CLSTN2: variants seen among roughly 807,000 people sequenced by gnomAD.
CLSTN2 encodes the protein calsyntenin 2, also known as calsyntenin-2.
Under a neutral mutation model 101.2 loss-of-function variants are expected in CLSTN2, and 48 were observed. The observed-to-expected ratio is 0.47, with a 90% CI of 0.38 to 0.60. The LOEUF is 0.60. Among genes scored for constraint, CLSTN2 ranks in the 20% least tolerant of loss-of-function variants. CLSTN2 has a pLI of 0.00. For missense variants in CLSTN2, 1,160 were observed against 1,238.2 expected, an observed-to-expected ratio of 0.94 and a Z score of 0.95; for synonymous variants, 481 against 463.6, an observed-to-expected ratio of 1.04 and a Z score of -0.48.
At position 140,550,374 on chromosome 3, in the gene CLSTN2, G is replaced by C. The variant is rs867506392; in HGVS notation, c.1674+3693G>C. On this transcript the variant is annotated intron_variant, in intron 10 of 16. Coordinates refer to ENST00000458420, the MANE Select transcript of CLSTN2 (RefSeq NM_022131.3). Reference sequence around the variant, plus strand: ...TGACTTTCCAAAACAATGTTTCATGGATTAGATACACACACAGAGTTGCTC... The same window carrying C: ...TGACTTTCCAAAACAATGTTTCATGCATTAGATACACACACAGAGTTGCTC... 5.3e-3 allele frequency among the ~76,000 whole-genome samples: 806 copies of C among 151,024 alleles called. 1 individual carries two copies. Among genetic ancestry groups the C allele is most frequent in the African/African-American group, 0.019 (771 of 40,628 alleles).
intron 1 of CLSTN2, among the ~76,000 whole-genome samples, chr3:140,139,299 A>G (rs2009661074): frequency 6.6e-6 from 1 of 152,178 alleles, no homozygotes; most frequent in Admixed American, 6.5e-5. Context: ...ACAAAATTGA[A>G]ATCATAATAT....
chr3:140,201,518 G>A (rs1343476667), intron 2 of CLSTN2, among the ~76,000 whole-genome samples: 3 of 152,102 alleles, frequency 2.0e-5, no homozygotes, highest in South Asian at 2.1e-4. Context: ...TGGCATGATT[G>A]GAATAGAGGC....
intron 2 of CLSTN2, among the ~76,000 whole-genome samples, chr3:140,232,965 C>A (rs1419498636): frequency 2.6e-5 from 4 of 152,094 alleles, no homozygotes; most frequent in African/African-American, 9.7e-5. Context: ...TCACTTCATC[C>A]ATTTTCCATG....
intron 2 of CLSTN2, among the ~76,000 whole-genome samples, chr3:140,231,609 G>T (rs189961183): frequency 6.6e-6 from 1 of 152,232 alleles, no homozygotes; most frequent in Non-Finnish European, 1.5e-5. Flanking sequence ...CTCTCAACTG[G>T]TTCCTAGTTC....
intron 1 of CLSTN2, among the ~76,000 whole-genome samples, chr3:140,004,530 CCTT>C (rs773935618): frequency 5.9e-5 from 9 of 152,194 alleles, no homozygotes; most frequent in Non-Finnish European, 1.2e-4. Flanking sequence ...TTTAAGCAGT[CCTT>C]CTTTAGAGAG....
At chr3:140,361,990 A>G (rs1323767964) in intron 2 of CLSTN2, among the ~76,000 whole-genome samples, 2 of 152,180 alleles carry the variant, frequency 1.3e-5, no homozygotes, top group African/African-American at 4.8e-5. Flanking sequence ...TTGGAAATGC[A>G]AAGGATCCAG....
chr3:140,349,029 T>A (rs769509340), intron 2 of CLSTN2, among the ~76,000 whole-genome samples: 16 of 152,160 alleles, frequency 1.1e-4, no homozygotes, highest in Non-Finnish European at 2.1e-4. Flanking sequence ...GCAAGAAAAA[T>A]CTCATGGGAG....
intron 2 of CLSTN2, among the ~76,000 whole-genome samples, chr3:140,370,334 G>A (rs372808841): frequency 6.6e-6 from 1 of 152,212 alleles, no homozygotes; most frequent in South Asian, 2.1e-4. Flanking sequence ...TCATGGGATT[G>A]AAGTACAGTC....
intron 5 of CLSTN2, among the ~76,000 whole-genome samples, chr3:140,429,326 G>T (rs939466698): frequency 6.6e-6 from 1 of 152,138 alleles, no homozygotes; most frequent in African/African-American, 2.4e-5. Flanking sequence ...GAGGATAAAA[G>T]CTGCACTGGA....
In CLSTN2 at chr3:140,448,660, G is replaced by A. The variant is rs1041525206; in HGVS notation, c.929G>A (p.Cys310Tyr). The stretch of plus-strand genomic sequence containing the variant: ...CAGACTAATTACATTGGGAAGGGTT[G>A]TGACCGGGAGACCTACTCTGAGAAA... ...ELQTNYIGKG[C>Y]DRETYSEKSL... is the part of the protein sequence containing the mutation. Residue 310 changes from cysteine (C) to tyrosine (Y), a missense_variant, in exon 6 of 17, where the codon TGT (cysteine) becomes TAT (tyrosine). Physicochemically the swap from Cys to Tyr is radical, Grantham distance 194. Coordinates refer to ENST00000458420, the MANE Select transcript of CLSTN2 (RefSeq NM_022131.3). 6.2e-7 allele frequency: 1 copy of A among 1,613,996 alleles called. No individual in the cohort carries two copies. Among genetic ancestry groups the A allele is most frequent in the African/African-American group, 1.3e-5 (1 of 74,934 alleles).
intron 1 of CLSTN2, among the ~76,000 whole-genome samples, chr3:140,112,391 A>T (rs1473553679): frequency 6.6e-6 from 1 of 151,902 alleles, no homozygotes. Flanking sequence ...ACTCCAAATA[A>T]TGACTTTTCT....
chr3:140,062,646 C>G (rs1398299631), intron 1 of CLSTN2, among the ~76,000 whole-genome samples: 2 of 152,190 alleles, frequency 1.3e-5, no homozygotes, highest in African/African-American at 2.4e-5. Flanking sequence ...GCCAAAGTCC[C>G]TCTCCCAGAG....
In CLSTN2 at chr3:140,575,059, C is replaced by T. The variant is rs1262552238; in HGVS notation, c.*8806C>T. The T allele has an allele frequency of 4.6e-5, 7 of 152,270 alleles. No homozygotes were observed. The highest frequency in any genetic ancestry group is 1.7e-4 in the African/African-American group (7 of 41,460). The allele number at this position is 152,270 out of a possible 1,614,324, so 9.4% of individuals were successfully genotyped here. ...CGCCCACCCACCTCCAGCTCCTCTA[C>T]ATGGCTGCAAGAGCATGGCTGATGT... On this transcript the variant is annotated 3_prime_UTR_variant, in exon 17 of 17. Transcript: ENST00000458420.
At chr3:140,357,554 G>T (rs2087684536) in intron 2 of CLSTN2, among the ~76,000 whole-genome samples, 1 of 152,232 alleles carries the variant, frequency 6.6e-6, no homozygotes, top group East Asian at 1.9e-4. Context: ...GACCTGGAGT[G>T]CTCACTTTAG....
intron 2 of CLSTN2, among the ~76,000 whole-genome samples, chr3:140,375,225 A>T (rs896666249): frequency 6.6e-6 from 1 of 152,242 alleles, no homozygotes; most frequent in Admixed American, 6.5e-5. Context: ...TCATGCTTTC[A>T]TTCTGGTACA....
chr3:140,020,668 A>C (rs1307678964), intron 1 of CLSTN2, among the ~76,000 whole-genome samples: 1 of 152,164 alleles, frequency 6.6e-6, no homozygotes, highest in Non-Finnish European at 1.5e-5. Context: ...TCTGACCACT[A>C]ATAGCATCTT....
At chr3:139,947,150 G>A (rs1315669849) in intron 1 of CLSTN2, among the ~76,000 whole-genome samples, 1 of 152,176 alleles carries the variant, frequency 6.6e-6, no homozygotes, top group African/African-American at 2.4e-5. Context: ...CCTACCAAGG[G>A]CAATGGCTAA....
Position 139,954,578 on chromosome 3 carries a change from G to A in CLSTN2, c.109+19095G>A, listed in dbSNP as rs572352312. Among the ~76,000 whole-genome samples, 152 of 152,234 alleles carry A rather than the reference G, an allele frequency of 1.0e-3. 1 individual carries two copies. The highest frequency in any genetic ancestry group is 3.5e-3 in the African/African-American group (145 of 41,534). On this transcript the variant is annotated intron_variant, in intron 1 of 16. Transcript: ENST00000458420. ...GGTGAAATGACTTGAATTAAGTTGA[G>A]TGCCTGCAGCCTACATAACCCAAGT...
intron 1 of CLSTN2, among the ~76,000 whole-genome samples, chr3:140,007,859 T>A (rs1010168375): frequency 6.6e-6 from 1 of 152,226 alleles, no homozygotes; most frequent in African/African-American, 2.4e-5. Flanking sequence ...GGAGGAGAGA[T>A]GTTGGCTGAT....
Sources: gnomAD v4.1 joint callset for allele counts (sites outside exome capture counted in the v4.1 genomes callset) on GRCh38, gnomAD v4.1.1 for gene constraint, MANE v1.5 for transcripts, NCBI Gene and HGNC (gene_info 2026-07-23, HGNC 2026-07-21) for gene names.